Variants in L3MBTL4 observed in about 807,000 individuals in gnomAD.
L3MBTL4 encodes L3MBTL histone methyl-lysine binding protein 4, also known as lethal(3)malignant brain tumor-like protein 4.
A neutral mutation model predicts 84.5 loss-of-function variants in L3MBTL4; 70 were observed. The ratio of observed to expected loss-of-function variants is 0.83; its 90% CI spans 0.68 to 1.01. The LOEUF is 1.01. Ranked by LOEUF, L3MBTL4 falls within the 50% of genes least tolerant of loss-of-function variation. L3MBTL4 has a pLI of 0.00. For missense variants in L3MBTL4, 715 were observed against 754.8 expected (o/e 0.95, Z 0.62); for synonymous variants, 274 against 259.8 (o/e 1.05, Z -0.52).
rs2052526283 is a variant in L3MBTL4, at chr18:5,969,476, G to A, written c.1531C>T (p.Leu511Phe). ...VSAHPFRDLP[L>F]GREQHCKLLP... ...AACTTGCAGTGTTGCTCCCTGCCGA[G>A]GGGAAGGTCCCGAAAAGGGTGGGCT... The change falls in exon 17 of 19, where the codon CTC (leucine) becomes TTC (phenylalanine). Residue 511 changes from leucine to phenylalanine, a missense_variant. Physicochemically the swap from Leu to Phe is conservative, Grantham distance 22. Transcript: ENST00000317931. 1 of 1,614,084 alleles carries A rather than the reference G, an allele frequency of 6.2e-7. No homozygotes were observed. The highest frequency in any genetic ancestry group is 8.5e-7 in the Non-Finnish European group (1 of 1,180,028).
At position 6,296,608 on chromosome 18, in the gene L3MBTL4, G is replaced by A. The variant is rs550584280; in HGVS notation, c.127+5295C>T. ...TTCTTCAGACAGTAAGTTCTAGACT[G>A]CATGTTCTATACAGCTGCAGCAAAG... On this transcript the variant is annotated intron_variant, in intron 4 of 18. Coordinates refer to ENST00000317931, the MANE Select transcript of L3MBTL4 (RefSeq NM_001330559.2). Among the ~76,000 whole-genome samples, 75 of 152,302 alleles carry A rather than the reference G, an allele frequency of 4.9e-4. 1 individual carries two copies. Among genetic ancestry groups the A allele is most frequent in the Admixed American group, 2.2e-3 (34 of 15,290 alleles).
intron 1 of L3MBTL4, among the ~76,000 whole-genome samples, chr18:6,402,680 C>A (rs550115270): frequency 1.3e-5 from 2 of 152,058 alleles, no homozygotes; most frequent in South Asian, 4.1e-4. Flanking sequence ...CTAATTTAGA[C>A]TAAGTATTGC....
chr18:5,966,664 G>A (rs767310615), intron 17 of L3MBTL4, among the ~76,000 whole-genome samples: 9 of 152,160 alleles, frequency 5.9e-5, no homozygotes, highest in Non-Finnish European at 1.2e-4. Flanking sequence ...CACAGGGACT[G>A]CTAACCATGA....
chr18:6,004,512 A>T (rs914847901), intron 16 of L3MBTL4, among the ~76,000 whole-genome samples: 1 of 152,230 alleles, frequency 6.6e-6, no homozygotes, highest in Non-Finnish European at 1.5e-5. Flanking sequence ...AACACTTTCT[A>T]ACTCATAGAA....
chr18:6,227,701 T>C (rs2046833880), intron 10 of L3MBTL4, among the ~76,000 whole-genome samples: 1 of 152,146 alleles, frequency 6.6e-6, no homozygotes, highest in Admixed American at 6.5e-5. Context: ...TTCACAAATA[T>C]GGGTGTTAAA....
intron 10 of L3MBTL4, among the ~76,000 whole-genome samples, chr18:6,237,726 G>C (rs998876934): frequency 6.6e-6 from 1 of 151,944 alleles, no homozygotes; most frequent in African/African-American, 2.4e-5. Flanking sequence ...AAAGTGCTAG[G>C]ATTACAGGGA....
chr18:6,135,926 T>C (rs1341161071), intron 14 of L3MBTL4, among the ~76,000 whole-genome samples: 1 of 152,170 alleles, frequency 6.6e-6, no homozygotes, highest in African/African-American at 2.4e-5. Context: ...GATAAAGACA[T>C]ACAGGGGACT....
chr18:6,012,157 G>C (rs372602489), intron 16 of L3MBTL4, among the ~76,000 whole-genome samples: 7 of 152,266 alleles, frequency 4.6e-5, no homozygotes, highest in African/African-American at 1.7e-4. Context: ...CTAACATCTA[G>C]AAACTGGACA....
intron 18 of L3MBTL4, 86 bp from the exon 19 acceptor site, chr18:5,956,473 A>T (rs3737356): frequency 0.044 from 55,926 of 1,275,026 alleles, 1,764 homozygotes; most frequent in Admixed American, 0.13. Context: ...TCTGAGTGTG[A>T]TGTGGAACCC....
At chr18:6,031,145 C>T (rs1432313153) in intron 16 of L3MBTL4, 2 of 985,328 alleles carry the variant, frequency 2.0e-6, no homozygotes, top group Non-Finnish European at 2.4e-6. Flanking sequence ...CTAAACCCAG[C>T]TCTTGTCCTG....
intron 16 of L3MBTL4, among the ~76,000 whole-genome samples, chr18:6,066,222 C>T (rs1286610396): frequency 6.6e-6 from 1 of 151,974 alleles, no homozygotes; most frequent in Admixed American, 6.6e-5. Flanking sequence ...TCAGAAGACC[C>T]TTGTTATGAT....
chr18:6,069,044 T>C (rs562163060), intron 16 of L3MBTL4, among the ~76,000 whole-genome samples: 8 of 152,308 alleles, frequency 5.3e-5, no homozygotes, highest in Non-Finnish European at 1.2e-4. Flanking sequence ...CTGCAAGGGA[T>C]CCAGAAATGT....
chr18:6,180,603 T>C (rs1488803024), intron 12 of L3MBTL4, among the ~76,000 whole-genome samples: 3 of 152,232 alleles, frequency 2.0e-5, no homozygotes, highest in Admixed American at 2.0e-4. Flanking sequence ...AGTTGGAAAA[T>C]TAATAGTTTT....
At chr18:6,177,286 C>T (rs1292001778) in intron 12 of L3MBTL4, among the ~76,000 whole-genome samples, 1 of 152,088 alleles carries the variant, frequency 6.6e-6, no homozygotes, top group African/African-American at 2.4e-5. Flanking sequence ...GCTAGTTCAG[C>T]AATAAAAAGG....
chr18:6,006,456 C>T (rs1272859487), intron 16 of L3MBTL4, among the ~76,000 whole-genome samples: 2 of 152,084 alleles, frequency 1.3e-5, no homozygotes, highest in Admixed American at 6.5e-5. Context: ...AGACAAACAT[C>T]CGTTAAGGCA....
At chr18:6,125,707 C>A (rs2059672417) in intron 14 of L3MBTL4, among the ~76,000 whole-genome samples, 1 of 152,200 alleles carries the variant, frequency 6.6e-6, no homozygotes, top group South Asian at 2.1e-4. Context: ...TGGAATTACA[C>A]ATGTGAGCCA....
chr18:6,091,291 A>T (rs1477700428), intron 15 of L3MBTL4, among the ~76,000 whole-genome samples: 1 of 152,170 alleles, frequency 6.6e-6, no homozygotes, highest in African/African-American at 2.4e-5. Context: ...ATGAGGGTAG[A>T]CTCGAAAAGG....
chr18:6,105,636 TA>T (rs1344969161), intron 14 of L3MBTL4, among the ~76,000 whole-genome samples: 2 of 151,690 alleles, frequency 1.3e-5, no homozygotes, highest in African/African-American at 2.4e-5. Context: ...CCGTCTCTAC[TA>T]AAAATACAAA....
chr18:5,972,214 TTA>T (rs1343711311), intron 16 of L3MBTL4, among the ~76,000 whole-genome samples: 1 of 152,236 alleles, frequency 6.6e-6, no homozygotes, highest in Non-Finnish European at 1.5e-5. Flanking sequence ...CCAGAATCTG[TTA>T]TATGTTGAAC....
Sources: gnomAD v4.1 joint callset for allele counts (sites outside exome capture counted in the v4.1 genomes callset) on GRCh38, gnomAD v4.1.1 for gene constraint, MANE v1.5 for transcripts, NCBI Gene and HGNC (gene_info 2026-07-23, HGNC 2026-07-21) for gene names.